The following ATF7IP variants were observed in gnomAD, a reference collection of about 807,000 sequenced individuals.
ATF7IP encodes activating transcription factor 7-interacting protein 1.
Under a neutral mutation model 106.4 loss-of-function variants are expected in ATF7IP, and 23 were observed. The ratio of observed to expected loss-of-function variants is 0.22; its 90% CI spans 0.16 to 0.31. The LOEUF is 0.31. Among genes scored for constraint, ATF7IP ranks in the 10% least tolerant of loss-of-function variants. ATF7IP has a pLI of 1.00. For missense variants in ATF7IP, 1,334 were observed against 1,524.3 expected, an observed-to-expected ratio of 0.88 and a Z score of 2.08; for synonymous variants, 542 against 539.0, an observed-to-expected ratio of 1.01 and a Z score of -0.08.
At chr12:14,459,600 T>G (rs1044594989) in intron 8 of ATF7IP, among the ~76,000 whole-genome samples, 10 of 152,236 alleles carry the variant, frequency 6.6e-5, no homozygotes, top group African/African-American at 2.4e-4. Context: ...AGTCAAATAA[T>G]GTCTCATTGT....
At chr12:14,376,508 G>A (rs986980958) in intron 1 of ATF7IP, among the ~76,000 whole-genome samples, 1 of 152,180 alleles carries the variant, frequency 6.6e-6, no homozygotes, top group Non-Finnish European at 1.5e-5. Flanking sequence ...CCATTTGATA[G>A]GAAGGTAAGA....
intron 1 of ATF7IP, chr12:14,419,933 G>A (rs1367721566): frequency 1.3e-5 from 2 of 152,160 alleles, no homozygotes; most frequent in African/African-American, 4.8e-5. Flanking sequence ...AATGAATACA[G>A]AATGTATCAC....
In ATF7IP at chr12:14,492,428, GAA is replaced by G. The variant is rs752684091; in HGVS notation, c.3281-3802_3281-3801del. 3.9e-5 allele frequency among the ~76,000 whole-genome samples: 6 copies of G among 152,268 alleles called. No individual in the cohort carries two copies. The South Asian group carries it at 6.2e-4, about 16-fold the overall frequency. On this transcript the variant is annotated intron_variant, in intron 13 of 14. Coordinates refer to ENST00000261168, the MANE Select transcript of ATF7IP (RefSeq NM_018179.5). ...AAAGATTCACTGCATAAATTGTCAGGAATGTAGTGGGGTCTTTCCTCAAGGGG... is the reference window on the plus strand; with the variant it reads ...AAAGATTCACTGCATAAATTGTCAGGTGTAGTGGGGTCTTTCCTCAAGGGG...
At chr12:14,418,966 T>TA (rs1254566109) in intron 1 of ATF7IP, among the ~76,000 whole-genome samples, 2 of 152,152 alleles carry the variant, frequency 1.3e-5, no homozygotes, top group Non-Finnish European at 2.9e-5. Context: ...CTAATTTATA[T>TA]AAAAAATACC....
chr12:14,471,354 A>T (rs903044655), intron 10 of ATF7IP, among the ~76,000 whole-genome samples: 8 of 152,108 alleles, frequency 5.3e-5, no homozygotes, highest in African/African-American at 1.9e-4. Context: ...TAGTGGTTTT[A>T]TCTATTACTA....
intron 5 of ATF7IP, among the ~76,000 whole-genome samples, chr12:14,441,459 ATTAT>A (rs1942691721): frequency 7.0e-6 from 1 of 143,664 alleles, no homozygotes; most frequent in African/African-American, 2.6e-5. Context: ...AGTTGTAAGA[ATTAT>A]TTATATATTC....
At chr12:14,393,710 C>T (rs1246614393) in intron 1 of ATF7IP, among the ~76,000 whole-genome samples, 1 of 152,034 alleles carries the variant, frequency 6.6e-6, no homozygotes, top group Non-Finnish European at 1.5e-5. Context: ...ATTTTAAGTA[C>T]TTCTTTTCAT....
At chr12:14,409,330 C>A (rs1940781459) in intron 1 of ATF7IP, among the ~76,000 whole-genome samples, 2 of 151,964 alleles carry the variant, frequency 1.3e-5, no homozygotes, top group Non-Finnish European at 2.9e-5. Context: ...TCAGAAAGTT[C>A]AAGAAGTATA....
chr12:14,400,874 T>G (rs1018547877), intron 1 of ATF7IP, among the ~76,000 whole-genome samples: 2 of 152,170 alleles, frequency 1.3e-5, no homozygotes, highest in African/African-American at 4.8e-5. Flanking sequence ...CTGTTTTGTC[T>G]TTTTTTGATG....
At chr12:14,482,685 G>A (rs991768881) in intron 13 of ATF7IP, 4 of 152,106 alleles carry the variant, frequency 2.6e-5, no homozygotes, top group Non-Finnish European at 5.9e-5. Context: ...ATCTCTTTTG[G>A]CAACACCCTA....
intron 10 of ATF7IP, among the ~76,000 whole-genome samples, chr12:14,470,428 C>T (rs1192942158): frequency 6.6e-6 from 1 of 152,058 alleles, no homozygotes; most frequent in Non-Finnish European, 1.5e-5. Flanking sequence ...TTTGTAAAAA[C>T]ATAAACGTGT....
intron 1 of ATF7IP, among the ~76,000 whole-genome samples, chr12:14,375,111 G>A (rs937083548): frequency 1.3e-5 from 2 of 149,614 alleles, no homozygotes; most frequent in Non-Finnish European, 3.0e-5. Flanking sequence ...CTTATTGAAA[G>A]AATAGAATTC....
At chr12:14,428,309 T>C (rs1941963722) in intron 2 of ATF7IP, among the ~76,000 whole-genome samples, 1 of 152,208 alleles carries the variant, frequency 6.6e-6, no homozygotes, top group Non-Finnish European at 1.5e-5. Flanking sequence ...AATTCAAAGT[T>C]GGGAATATTT....
chr12:14,438,507 G>C (rs1285765113), intron 5 of ATF7IP, among the ~76,000 whole-genome samples: 1 of 152,222 alleles, frequency 6.6e-6, no homozygotes, highest in Non-Finnish European at 1.5e-5. Flanking sequence ...CAAGGTGTCA[G>C]CAGTGTAGAT....
rs1453329254 is a variant in ATF7IP, at chr12:14,502,864, C to G, written c.*4791C>G. On this transcript the variant is annotated 3_prime_UTR_variant, in exon 15 of 15. Coordinates refer to ENST00000261168, the MANE Select transcript of ATF7IP (RefSeq NM_018179.5). Reference sequence around the variant, plus strand: ...TAGAGTGGTGTCTGTATAAGTGTTACCTGTAGTGGGGTTTTGTCCAGCAAG... The same window carrying G: ...TAGAGTGGTGTCTGTATAAGTGTTAGCTGTAGTGGGGTTTTGTCCAGCAAG... 6.6e-6 allele frequency: 1 copy of G among 151,812 alleles called. No homozygotes were observed. The highest frequency in any genetic ancestry group is 1.9e-4 in the East Asian group (1 of 5,186). 9.4% of individuals were successfully genotyped at this position (151,812 alleles called of 1,614,324 possible). A position where few individuals can be genotyped will look rare whatever the true frequency, so the allele number is the denominator to read the frequency against.
chr12:14,449,247 T>C (rs1303947844), intron 6 of ATF7IP, among the ~76,000 whole-genome samples: 1 of 152,158 alleles, frequency 6.6e-6, no homozygotes, highest in East Asian at 1.9e-4. Flanking sequence ...TTTTTCCGTA[T>C]GTTTTCTTGT....
At chr12:14,415,209 G>A (rs780195743) in intron 1 of ATF7IP, among the ~76,000 whole-genome samples, 1 of 152,060 alleles carries the variant, frequency 6.6e-6, no homozygotes, top group Non-Finnish European at 1.5e-5. Context: ...TTTCTAAGGG[G>A]GTGTAATTTG....
chr12:14,377,659 G>A (rs557306132), intron 1 of ATF7IP, among the ~76,000 whole-genome samples: 80 of 150,924 alleles, frequency 5.3e-4, no homozygotes, highest in African/African-American at 1.7e-3. Context: ...TGTCACCCAC[G>A]TTGGAGTGCA....
chr12:14,397,795 T>A (rs1311795586), intron 1 of ATF7IP, among the ~76,000 whole-genome samples: 1 of 152,174 alleles, frequency 6.6e-6, no homozygotes, highest in African/African-American at 2.4e-5. Flanking sequence ...AGCATGGTCA[T>A]CCCACAGTTA....
Sources: gnomAD v4.1 joint callset for allele counts (sites outside exome capture counted in the v4.1 genomes callset) on GRCh38, gnomAD v4.1.1 for gene constraint, MANE v1.5 for transcripts, NCBI Gene and HGNC (gene_info 2026-07-23, HGNC 2026-07-21) for gene names.